The following PPP3CC variants were observed in gnomAD, a reference collection of about 807,000 sequenced individuals.
The protein encoded by PPP3CC is protein phosphatase 3 catalytic subunit gamma.
A neutral mutation model predicts 60.3 loss-of-function variants in PPP3CC; 35 were observed. The observed-to-expected ratio is 0.58, with a 90% CI of 0.44 to 0.77. PPP3CC has a LOEUF of 0.77. Among genes scored for constraint, PPP3CC ranks in the 30% least tolerant of loss-of-function variants. The pLI is 0.00. For synonymous variants in PPP3CC, 206 were observed against 224.3 expected, an observed-to-expected ratio of 0.92 and a Z score of 0.73; for missense variants, 570 against 628.9, an observed-to-expected ratio of 0.91 and a Z score of 1.00.
At chr8:22,443,935 G>A (rs1266875554) in intron 1 of PPP3CC, among the ~76,000 whole-genome samples, 1 of 152,150 alleles carries the variant, frequency 6.6e-6, no homozygotes, top group African/African-American at 2.4e-5. Context: ...CAGCTTGAAA[G>A]CTTTTTCAGA....
intron 12 of PPP3CC, among the ~76,000 whole-genome samples, chr8:22,537,448 A>G (rs1839869125): frequency 6.6e-6 from 1 of 152,192 alleles, no homozygotes; most frequent in Admixed American, 6.5e-5. Flanking sequence ...CCTTCTTAAC[A>G]CTGCTGGTGG....
At chr8:22,514,517 A>G (rs1174801417) in intron 6 of PPP3CC, among the ~76,000 whole-genome samples, 2 of 151,820 alleles carry the variant, frequency 1.3e-5, no homozygotes, top group Admixed American at 6.6e-5. Flanking sequence ...CATAGTAGGT[A>G]TATATATTTA....
intron 1 of PPP3CC, among the ~76,000 whole-genome samples, chr8:22,473,891 C>G (rs1409941154): frequency 6.6e-6 from 1 of 151,930 alleles, no homozygotes; most frequent in Non-Finnish European, 1.5e-5. Flanking sequence ...TTGTTTTATT[C>G]TGTTTTGTTT....
Position 22,540,930 on chromosome 8 carries a change from T to A in PPP3CC, c.*128T>A. 1 of 850,032 alleles carries A rather than the reference T, an allele frequency of 1.2e-6. No individual in the cohort carries two copies. Among genetic ancestry groups the A allele is most frequent in the Non-Finnish European group, 1.7e-6 (1 of 604,440 alleles). The allele number at this position is 850,032 out of a possible 1,614,324, so 52.7% of individuals were successfully genotyped here. On this transcript the variant is annotated 3_prime_UTR_variant, in exon 14 of 14. Coordinates refer to ENST00000240139, the MANE Select transcript of PPP3CC (RefSeq NM_005605.5). The stretch of plus-strand genomic sequence containing the variant: ...AGGTGCATTTATAATTCAGTCTGCA[T>A]TTATTCTGTAAAAAGGTGGCTGTTT...
chr8:22,503,494 T>C (rs1464526836), intron 4 of PPP3CC, among the ~76,000 whole-genome samples: 2 of 152,198 alleles, frequency 1.3e-5, no homozygotes, highest in African/African-American at 4.8e-5. Context: ...TTAGGTGACA[T>C]TTTTCTTAAT....
intron 6 of PPP3CC, among the ~76,000 whole-genome samples, chr8:22,520,655 T>G (rs1839381971): frequency 6.6e-6 from 1 of 152,194 alleles, no homozygotes; most frequent in African/African-American, 2.4e-5. Flanking sequence ...GGATTTCTAT[T>G]TGCTTCTTTT....
intron 3 of PPP3CC, among the ~76,000 whole-genome samples, chr8:22,476,229 TTTATGCAAGGACTTGAGTA>T (rs1425703239): frequency 6.6e-6 from 1 of 152,240 alleles, no homozygotes; most frequent in Non-Finnish European, 1.5e-5. Context: ...ACTTTAGAAC[TTTATGCAAGGACTTGAGTA>T]CAGTGGAACC....
At chr8:22,441,723 C>G (rs930965887) in intron 1 of PPP3CC, among the ~76,000 whole-genome samples, 4 of 152,192 alleles carry the variant, frequency 2.6e-5, no homozygotes, top group Non-Finnish European at 5.9e-5. Context: ...TCCCACCGCC[C>G]CGAAGGGCCC....
At chr8:22,509,488 G>A (rs1207243736) in intron 4 of PPP3CC, among the ~76,000 whole-genome samples, 3 of 152,088 alleles carry the variant, frequency 2.0e-5, no homozygotes, top group African/African-American at 7.2e-5. Flanking sequence ...ACACATCCCT[G>A]AGCACAGCTT....
At chr8:22,525,734 A>AT (rs1236552278) in intron 8 of PPP3CC, among the ~76,000 whole-genome samples, 1 of 149,846 alleles carries the variant, frequency 6.7e-6, no homozygotes, top group Non-Finnish European at 1.5e-5. Context: ...ATTTTAAAAT[A>AT]TTTTTTATAG....
At chr8:22,454,147 CACATAT>C (rs1563676671) in intron 1 of PPP3CC, among the ~76,000 whole-genome samples, 1 of 152,194 alleles carries the variant, frequency 6.6e-6, no homozygotes, top group Non-Finnish European at 1.5e-5. Context: ...AAAACACAAA[CACATAT>C]AGCTGTACAT....
At chr8:22,525,650 TGG>T (rs1430310239) in intron 8 of PPP3CC, among the ~76,000 whole-genome samples, 2 of 151,678 alleles carry the variant, frequency 1.3e-5, no homozygotes, top group Non-Finnish European at 2.9e-5. Flanking sequence ...CTCGACTTCC[TGG>T]GCTCAAGTGA....
At chr8:22,457,365 G>A (rs1276289007) in intron 1 of PPP3CC, among the ~76,000 whole-genome samples, 1 of 150,390 alleles carries the variant, frequency 6.6e-6, no homozygotes, top group African/African-American at 2.4e-5. Flanking sequence ...TTCCAAGGCT[G>A]GATCTCGGCT....
At position 22,529,569 on chromosome 8, in the gene PPP3CC, C is replaced by T. The variant is rs373810757; in HGVS notation, c.1141+992C>T. On this transcript the variant is annotated intron_variant, in intron 10 of 13. Transcript: ENST00000240139. ...CGCGATCTCTGCTCACTGCAACCTT[C>T]ACCTCCCGAGTTCAAGCGATTCTCC... is the stretch of plus-strand genomic sequence containing the variant. Among the ~76,000 whole-genome samples, 10 of 152,248 alleles carry T rather than the reference C, an allele frequency of 6.6e-5. 1 individual carries two copies. Among genetic ancestry groups the T allele is most frequent in the African/African-American group, 2.2e-4 (9 of 41,556 alleles).
chr8:22,457,479 T>A (rs1214787671), intron 1 of PPP3CC, among the ~76,000 whole-genome samples: 1 of 151,846 alleles, frequency 6.6e-6, no homozygotes, highest in Non-Finnish European at 1.5e-5. Flanking sequence ...ATTTTTGTGG[T>A]TTTTAGTAGA....
chr8:22,441,501 G>C (rs1004352121), intron 1 of PPP3CC, 43 bp downstream of exon 1: 2 of 1,506,380 alleles, frequency 1.3e-6, no homozygotes, highest in African/African-American at 2.9e-5. Flanking sequence ...CGCGGGAAAC[G>C]GCCTTCGGCT....
chr8:22,475,606 A>C lies in PPP3CC; in HGVS notation c.354A>C (p.Arg118Ser). Residue 118 changes from arginine to serine, a missense_variant, in exon 3 of 14, where the codon AGA becomes AGC. Transcript: ENST00000240139. ...RYLFLGDYVDRGYFSIECVLY... is the reference protein window; with the variant it reads ...RYLFLGDYVDSGYFSIECVLY... ...TCTTTCTGGGTGACTATGTGGACAG[A>C]GGCTATTTCAGTATAGAGGTAAAAA... is the stretch of plus-strand genomic sequence containing the variant. 1 of 1,613,250 alleles carries C rather than the reference A, an allele frequency of 6.2e-7. No homozygotes were observed. Among genetic ancestry groups the C allele is most frequent in the Non-Finnish European group, 8.5e-7 (1 of 1,179,418 alleles).
intron 8 of PPP3CC, 111 bp downstream of exon 8, chr8:22,522,860 A>G: frequency 1.3e-6 from 1 of 795,152 alleles, no homozygotes; most frequent in Non-Finnish European, 1.9e-6. Flanking sequence ...AATTTTAAAT[A>G]AGAAAAAAAG....
At chr8:22,501,992 A>T (rs1216404726) in intron 4 of PPP3CC, among the ~76,000 whole-genome samples, 2 of 152,186 alleles carry the variant, frequency 1.3e-5, no homozygotes, top group Non-Finnish European at 2.9e-5. Context: ...GTGCCACTGC[A>T]CTCTAGCCTG....
Sources: gnomAD v4.1 joint callset for allele counts (sites outside exome capture counted in the v4.1 genomes callset) on GRCh38, gnomAD v4.1.1 for gene constraint, MANE v1.5 for transcripts, NCBI Gene and HGNC (gene_info 2026-07-23, HGNC 2026-07-21) for gene names.